FBN2: variants seen among roughly 807,000 people sequenced by gnomAD.
The protein encoded by FBN2 is fibrillin-2.
In FBN2, 105 loss-of-function variants were observed where a neutral mutation model predicts 355.6. That is an observed-to-expected ratio of 0.30 (90% CI 0.25 to 0.35). The LOEUF (loss-of-function observed/expected upper bound fraction) is 0.35. Ranked by LOEUF, FBN2 falls within the 10% of genes least tolerant of loss-of-function variation. FBN2 has a pLI of 1.00. For missense variants in FBN2, 3,280 were observed against 3,758.7 expected (o/e 0.87, Z 3.33); for synonymous variants, 1,350 against 1,301.2 (o/e 1.04, Z -0.81).
At chr5:128,480,055 G>GTATATATAATATATATATTCTC (rs1169273288) in intron 5 of FBN2, among the ~76,000 whole-genome samples, 2 of 105,948 alleles carry the variant, frequency 1.9e-5, no homozygotes, top group Non-Finnish European at 3.9e-5. Context: ...CATATTCTAT[G>GTATATATAATATATATATTCTC]TATATATAAT....
chr5:128,330,533 T>C, intron 33 of FBN2, 40 bp downstream of exon 33: 1 of 1,612,250 alleles, frequency 6.2e-7, no homozygotes, highest in Non-Finnish European at 8.5e-7. Context: ...GAGTGTTCTA[T>C]GACCATCCCG....
chr5:128,392,159 CG>C lies in FBN2; in HGVS notation c.1466-5del. ...TCTATTGTCTGGTTCAGAATTGCTACGGAAAATTAAAGCACAATTATATTTA... is the reference window on the plus strand; with the variant it reads ...TCTATTGTCTGGTTCAGAATTGCTACGAAAATTAAAGCACAATTATATTTA... On this transcript the variant is annotated splice_region_variant and splice_polypyrimidine_tract_variant and intron_variant, in intron 10 of 64. Coordinates refer to ENST00000262464, the MANE Select transcript of FBN2 (RefSeq NM_001999.4). The C allele has an allele frequency of 6.2e-7, 1 of 1,612,728 alleles. No individual in the cohort carries two copies. The highest frequency in any genetic ancestry group is 8.5e-7 in the Non-Finnish European group (1 of 1,179,070).
intron 5 of FBN2, among the ~76,000 whole-genome samples, chr5:128,504,468 C>A (rs1755901423): frequency 6.6e-6 from 1 of 152,146 alleles, no homozygotes; most frequent in African/African-American, 2.4e-5. Flanking sequence ...GCGGAGCTGC[C>A]CAAGACCATG....
At chr5:128,375,669 G>T (rs1248178363) in intron 14 of FBN2, among the ~76,000 whole-genome samples, 4 of 152,138 alleles carry the variant, frequency 2.6e-5, no homozygotes, top group African/African-American at 9.7e-5. Flanking sequence ...CTGGTACTTA[G>T]ATTAAGTTTG....
chr5:128,344,980 C>T (rs997986737), intron 24 of FBN2, among the ~76,000 whole-genome samples: 4 of 152,180 alleles, frequency 2.6e-5, no homozygotes, highest in Non-Finnish European at 5.9e-5. Flanking sequence ...GGATTATAGG[C>T]GTGAGCCACC....
intron 20 of FBN2, 37 bp downstream of exon 20, chr5:128,357,239 G>A: frequency 6.2e-7 from 1 of 1,612,922 alleles, no homozygotes; most frequent in Non-Finnish European, 8.5e-7. Context: ...TATCTTGGCA[G>A]TGAAATTGAA....
chr5:128,483,109 T>C (rs978206009), intron 5 of FBN2, among the ~76,000 whole-genome samples: 17 of 152,084 alleles, frequency 1.1e-4, no homozygotes, highest in South Asian at 6.2e-4. Context: ...GAGCTAAACA[T>C]TGGCTACACA....
intron 5 of FBN2, among the ~76,000 whole-genome samples, chr5:128,506,994 T>A (rs907965446): frequency 3.9e-5 from 6 of 152,136 alleles, no homozygotes; most frequent in African/African-American, 1.4e-4. Flanking sequence ...AAAATTTTGT[T>A]GAGAAATTGT....
chr5:128,455,990 C>CAAAAAAAAAAAAAAAAAAAAA lies in FBN2; in HGVS notation c.826+8713_826+8733dup, dbSNP rs70997371. On this transcript the variant is annotated intron_variant, in intron 6 of 64. Transcript: ENST00000262464. The stretch of plus-strand genomic sequence containing the variant: ...GAGCTCCTTGGGGGAGGGTTAGCAA[C>CAAAAAAAAAAAAAAAAAAAAA]AAAAAAAAAAAAAAAAAAAAAAAAA... Among the ~76,000 whole-genome samples, 25 of 25,276 alleles carry CAAAAAAAAAAAAAAAAAAAAA rather than the reference C, an allele frequency of 9.9e-4. 7 individuals carry two copies. Among genetic ancestry groups the CAAAAAAAAAAAAAAAAAAAAA allele is most frequent in the Admixed American group, 3.1e-3 (4 of 1,296 alleles). The allele number at this position is 25,276 out of a possible 152,430, so 16.6% of individuals were successfully genotyped here.
chr5:128,448,779 C>T (rs903505707), intron 6 of FBN2, among the ~76,000 whole-genome samples: 4 of 151,780 alleles, frequency 2.6e-5, no homozygotes, highest in Non-Finnish European at 4.4e-5. Context: ...TTTTTTATTT[C>T]CTCATGTGAA....
Position 128,261,851 on chromosome 5 carries a change from T to A in FBN2, c.8249A>T (p.Glu2750Val). Residue 2750 changes from glutamate to valine, a missense_variant, in exon 64 of 65, where the codon GAG becomes GTG. Glu to Val is a moderately radical substitution (Grantham distance 121). Coordinates refer to ENST00000262464, the MANE Select transcript of FBN2 (RefSeq NM_001999.4). ...NKGQYLSLDTEVDEENALSPE... is the reference protein window; with the variant it reads ...NKGQYLSLDTVVDEENALSPE... ...GGACAGAGCATTTTCCTCATCGACC[T>A]CTGTATCCAGTGACAGGTACTGCCC... The A allele has an allele frequency of 1.2e-6, 2 of 1,614,124 alleles. No homozygotes were observed. The highest frequency in any genetic ancestry group is 2.7e-5 in the African/African-American group (2 of 75,060).
chr5:128,349,514 A>C (rs749554080), intron 22 of FBN2, 42 bp from the exon 23 acceptor site: 1 of 1,608,254 alleles, frequency 6.2e-7, no homozygotes, highest in Non-Finnish European at 8.5e-7. Flanking sequence ...AGATGTTACA[A>C]ATAGAAAAAG....
At chr5:128,293,362 GGCACCTGTAATACCA>G (rs1749388013) in intron 48 of FBN2, among the ~76,000 whole-genome samples, 1 of 152,032 alleles carries the variant, frequency 6.6e-6, no homozygotes, top group Admixed American at 6.6e-5. Flanking sequence ...CGTGGTGGTG[GGCACCTGTAATACCA>G]GCTACTTGGG....
rs1765435435 is a variant in FBN2 at position 128,277,910 on chromosome 5, T to C, written c.7441A>G (p.Thr2481Ala). ...SFRCFCKVGY[T>A]TDISGTSCID... is the part of the protein sequence containing the mutation. ...CAAGAGGTTCCACTGATGTCTGTGG[T>C]GTAGCCAACCTTGCAGAAGCATCGG... is the stretch of plus-strand genomic sequence containing the variant. The change falls in exon 58 of 65, where the codon ACC becomes GCC. Residue 2481 changes from threonine (T) to alanine (A), a missense_variant. By Grantham distance (58) the Thr-to-Ala change is moderately conservative. Transcript: ENST00000262464. The C allele has an allele frequency of 6.2e-7, 1 of 1,614,140 alleles. No homozygotes were observed. Among genetic ancestry groups the C allele is most frequent in the Non-Finnish European group, 8.5e-7 (1 of 1,179,992 alleles).
chr5:128,313,429 A>G (rs1750113973), intron 36 of FBN2, among the ~76,000 whole-genome samples: 1 of 152,128 alleles, frequency 6.6e-6, no homozygotes, highest in Non-Finnish European at 1.5e-5. Flanking sequence ...AATTATTTCA[A>G]AGTTAACACA....
Position 128,464,908 on chromosome 5 carries a change from G to C in FBN2, c.642C>G (p.Gly214=). ...GGTTGTTGACCTGAGTGAAACACGG[G>C]CCTGTCCTGTAATCTGGAATGTGGG... ...GPQCERDYRT[G]PCFTQVNNQM... is the part of the protein sequence containing the mutation. The change falls in exon 6 of 65, where the codon GGC becomes GGG. Residue 214 remains glycine, a synonymous_variant. Transcript: ENST00000262464. 1 of 1,614,198 alleles carries C rather than the reference G, an allele frequency of 6.2e-7. No individual in the cohort carries two copies. The highest frequency in any genetic ancestry group is 8.5e-7 in the Non-Finnish European group (1 of 1,180,008).
intron 5 of FBN2, among the ~76,000 whole-genome samples, chr5:128,469,215 C>T (rs1754790446): frequency 1.3e-5 from 2 of 152,156 alleles, no homozygotes; most frequent in South Asian, 4.1e-4. Context: ...AAAAGGCCAA[C>T]GGGGCATAAA....
intron 5 of FBN2, among the ~76,000 whole-genome samples, chr5:128,506,852 T>C (rs1755975426): frequency 6.6e-6 from 1 of 152,138 alleles, no homozygotes; most frequent in Non-Finnish European, 1.5e-5. Flanking sequence ...CTTTGTCAGC[T>C]ATATTTAGAT....
In FBN2 at chr5:128,344,379, T is replaced by C. The variant is rs1365001243; in HGVS notation, c.3343+6A>G. 6.2e-7 allele frequency: 1 copy of C among 1,613,902 alleles called. No homozygotes were observed. The highest frequency in any genetic ancestry group is 1.3e-5 in the African/African-American group (1 of 74,928). On this transcript the variant is annotated splice_donor_region_variant and intron_variant, in intron 25 of 64. Transcript: ENST00000262464. ...TTTATCAAATAAAACAGCAGAACCA[T>C]CTTACCCGTGCAGTTTCTTTCCTCC...
Sources: gnomAD v4.1 joint callset for allele counts (sites outside exome capture counted in the v4.1 genomes callset) on GRCh38, gnomAD v4.1.1 for gene constraint, MANE v1.5 for transcripts, NCBI Gene and HGNC (gene_info 2026-07-23, HGNC 2026-07-21) for gene names.